RBM4: variants seen among roughly 807,000 people sequenced by gnomAD.
RBM4 encodes the protein RNA-binding protein 4.
RBM4 carries 7 observed loss-of-function variants against 29.5 expected under a neutral mutation model. The observed-to-expected ratio is 0.24, with a 90% CI of 0.14 to 0.45. The LOEUF (loss-of-function observed/expected upper bound fraction) is 0.45. Ranked by LOEUF, RBM4 falls within the 20% of genes least tolerant of loss-of-function variation. The pLI, the probability that RBM4 is intolerant of heterozygous loss-of-function variation, is 1.00. For synonymous variants in RBM4, 220 were observed against 205.4 expected, an observed-to-expected ratio of 1.07 and a Z score of -0.61; for missense variants, 387 against 502.3, an observed-to-expected ratio of 0.77 and a Z score of 2.19.
intron 2 of RBM4, among the ~76,000 whole-genome samples, chr11:66,657,830 T>G (rs538624880): frequency 6.6e-6 from 1 of 151,644 alleles, no homozygotes; most frequent in Non-Finnish European, 1.5e-5. Flanking sequence ...CTCAAGCAAT[T>G]CTCTCACCTC....
At chr11:66,648,391 C>T (rs1258494276), downstream of RBM4, among the ~76,000 whole-genome samples, 10 of 151,062 alleles carry the variant, frequency 6.6e-5, no homozygotes, top group Non-Finnish European at 1.3e-4. Context: ...CATAGTGGTG[C>T]GCATTTGTGG....
At position 66,639,780 on chromosome 11, in the gene RBM4, G is replaced by A; in HGVS notation, c.69G>A (p.Glu23=). ...ATEQEIRSLF[E]QYGKVLECDI... ...AGCAGGAGATTCGCTCACTCTTCGAGCAGTATGGGAAGGTGCTGGAATGTG... is the reference window on the plus strand; with the variant it reads ...AGCAGGAGATTCGCTCACTCTTCGAACAGTATGGGAAGGTGCTGGAATGTG... The change falls in exon 2 of 4, where the codon GAG becomes GAA. Residue 23 remains glutamate (E), a synonymous_variant. Coordinates refer to ENST00000310092, the MANE Select transcript of RBM4 (RefSeq NM_002896.4). 2 of 1,614,174 alleles carry A rather than the reference G, an allele frequency of 1.2e-6. No individual in the cohort carries two copies. The highest frequency in any genetic ancestry group is 2.2e-5 in the South Asian group (2 of 91,086).
chr11:66,654,724 C>T (rs1371623103), intron 2 of RBM4, among the ~76,000 whole-genome samples: 2 of 144,186 alleles, frequency 1.4e-5, no homozygotes, highest in Non-Finnish European at 3.0e-5. Context: ...TCCCATTTTG[C>T]CCAGCCTAGT....
chr11:66,645,130 T>C (rs1565082492), intron 3 of RBM4, among the ~76,000 whole-genome samples: 1 of 152,172 alleles, frequency 6.6e-6, no homozygotes, highest in Non-Finnish European at 1.5e-5. Context: ...TTAATACTCT[T>C]GAGCCAGCAG....
chr11:66,659,855 T>C (rs1482072964), intron 2 of RBM4, among the ~76,000 whole-genome samples: 21 of 152,234 alleles, frequency 1.4e-4, no homozygotes, highest in Non-Finnish European at 1.5e-5. Flanking sequence ...TCCATCTTTT[T>C]CTTACCCTTG....
chr11:66,640,327 C>T (rs894293783), intron 2 of RBM4: 2 of 685,228 alleles, frequency 2.9e-6, no homozygotes, highest in African/African-American at 3.6e-5. Flanking sequence ...TGGAGAAAAG[C>T]CACTCACCTT....
At chr11:66,657,871 A>G (rs1186395758) in intron 2 of RBM4, among the ~76,000 whole-genome samples, 1 of 151,112 alleles carries the variant, frequency 6.6e-6, no homozygotes, top group African/African-American at 2.4e-5. Flanking sequence ...CCACTGGCGC[A>G]TGCCAGCATG....
At chr11:66,663,740 T>G (rs1015507706) in intron 2 of RBM4, among the ~76,000 whole-genome samples, 5 of 148,542 alleles carry the variant, frequency 3.4e-5, no homozygotes, top group African/African-American at 1.2e-4. Context: ...ATATATGTTT[T>G]CTTTTTGTTT....
chr11:66,658,235 T>G (rs959713871), intron 2 of RBM4, among the ~76,000 whole-genome samples: 17 of 145,448 alleles, frequency 1.2e-4, no homozygotes, highest in African/African-American at 4.1e-4. Flanking sequence ...TCCGTGGTGG[T>G]CAGGTTGGTT....
exon 3 of RBM4, chr11:66,668,292 A>T: frequency 2.0e-5 from 5 of 246,474 alleles, no homozygotes; most frequent in South Asian, 1.8e-4. Context: ...TGATATACAG[A>T]GGGCACATAA....
rs570978853 is a variant in RBM4 at position 66,666,053 on chromosome 11, AG to A, written c.*92del. Reference sequence around the variant, plus strand: ...CAAGCTTTCAGAAATGATGGTCACAAGGGGTAGGATATCAAGGAGCAGCCAG... The same window carrying A: ...CAAGCTTTCAGAAATGATGGTCACAAGGGTAGGATATCAAGGAGCAGCCAG... On this transcript the variant is annotated 3_prime_UTR_variant, in exon 3 of 3. Coordinates refer to the RBM4 transcript ENST00000396053. 126 of 1,187,646 alleles carry A rather than the reference AG, an allele frequency of 1.1e-4. 1 individual carries two copies. The highest frequency in any genetic ancestry group is 8.0e-4 in the Admixed American group (35 of 43,730). 73.6% of individuals were successfully genotyped at this position (1,187,646 alleles called of 1,614,324 possible). A position where few individuals can be genotyped will look rare whatever the true frequency, so the allele number is the denominator to read the frequency against.
chr11:66,640,273 AG>A (rs1463966624), intron 2 of RBM4, 150 bp downstream of exon 2: 2 of 1,057,808 alleles, frequency 1.9e-6, no homozygotes, highest in African/African-American at 3.2e-5. Flanking sequence ...CTTATGATGT[AG>A]AATGCATGGG....
At chr11:66,644,956 A>G (rs1938628799) in intron 3 of RBM4, among the ~76,000 whole-genome samples, 1 of 149,492 alleles carries the variant, frequency 6.7e-6, no homozygotes, top group South Asian at 2.1e-4. Flanking sequence ...AACTATTCCC[A>G]CAGTTCTAGT....
intron 2 of RBM4, among the ~76,000 whole-genome samples, chr11:66,658,216 TGGGG>T (rs1938990280): frequency 6.6e-6 from 1 of 151,270 alleles, no homozygotes; most frequent in African/African-American, 2.4e-5. Flanking sequence ...TTAGTAGAGA[TGGGG>T]TTTCTCCGTG....
At chr11:66,650,706 A>T (rs996121447), downstream of RBM4, among the ~76,000 whole-genome samples, 2 of 151,194 alleles carry the variant, frequency 1.3e-5, no homozygotes, top group African/African-American at 4.9e-5. Context: ...TACTAAAAAT[A>T]TAAAAAGTTA....
chr11:66,650,428 G>A (rs957333098), downstream of RBM4, among the ~76,000 whole-genome samples: 12 of 152,040 alleles, frequency 7.9e-5, no homozygotes, highest in East Asian at 3.9e-4. Context: ...AAAATTAGCC[G>A]GGCATGGTGG....
rs767778848 is a variant in RBM4 at position 66,643,950 on chromosome 11, G to C, written c.913G>C (p.Gly305Arg). Residue 305 changes from glycine to arginine, a missense_variant, in exon 3 of 4, where the codon GGG (glycine) becomes CGG (arginine). Physicochemically the swap from Gly to Arg is moderately radical, Grantham distance 125. Transcript: ENST00000310092. This position sits in a 1 kb window ranked among gnomAD's most constrained non-coding sequence, Gnocchi z 6.1. ...AVTAASTSYY[G>R]RDRSPLRRAT... Reference sequence around the variant, plus strand: ...TACTGCAGCTTCCACTTCATATTACGGGCGGGATCGGAGCCCCCTGCGTCG... The same window carrying C: ...TACTGCAGCTTCCACTTCATATTACCGGCGGGATCGGAGCCCCCTGCGTCG... 1 of 1,613,012 alleles carries C rather than the reference G, an allele frequency of 6.2e-7. No individual in the cohort carries two copies. The highest frequency in any genetic ancestry group is 8.5e-7 in the Non-Finnish European group (1 of 1,179,984).
At chr11:66,654,633 C>T (rs1406680408) in intron 2 of RBM4, among the ~76,000 whole-genome samples, 1 of 150,990 alleles carries the variant, frequency 6.6e-6, no homozygotes, top group African/African-American at 2.4e-5. Flanking sequence ...TCCTGGGTAG[C>T]TGGGACTACA....
At chr11:66,665,849 C>G (rs775535254) in intron 2 of RBM4, 2 of 1,526,978 alleles carry the variant, frequency 1.3e-6, no homozygotes, top group Non-Finnish European at 8.8e-7. Context: ...TCTTATCCAT[C>G]TTTTAGGCAA....
Sources: allele counts gnomAD v4.1 joint callset (sites outside exome capture counted in the v4.1 genomes callset), GRCh38; gene constraint gnomAD v4.1.1; non-coding constraint Gnocchi (gnomAD v3.1); transcripts MANE v1.5; gene names NCBI Gene and HGNC (gene_info 2026-07-23, HGNC 2026-07-21).